RUNX1: variants seen among roughly 807,000 people sequenced by gnomAD.
The protein encoded by RUNX1 is RUNX family transcription factor 1.
RUNX1 carries 19 observed loss-of-function variants against 42.8 expected under a neutral mutation model. That is an observed-to-expected ratio of 0.44 (90% CI 0.31 to 0.65). RUNX1 has a LOEUF of 0.65. Among genes scored for constraint, RUNX1 ranks in the 30% least tolerant of loss-of-function variants. RUNX1 has a pLI of 0.07. For synonymous variants in RUNX1, 271 were observed against 289.4 expected, an observed-to-expected ratio of 0.94 and a Z score of 0.64; for missense variants, 528 against 672.0, an observed-to-expected ratio of 0.79 and a Z score of 2.37.
At chr21:34,802,174 A>G (rs1253209960) in intron 7 of RUNX1, among the ~76,000 whole-genome samples, 5 of 152,212 alleles carry the variant, frequency 3.3e-5, no homozygotes, top group African/African-American at 7.2e-5. Context: ...GTACGATGGG[A>G]GTTATCCAGA....
At chr21:34,871,160 C>T (rs781119966) in intron 5 of RUNX1, among the ~76,000 whole-genome samples, 9 of 152,128 alleles carry the variant, frequency 5.9e-5, no homozygotes, top group Admixed American at 6.5e-5. Context: ...CTTGGGTCTC[C>T]GTTCCTACAC....
intron 4 of RUNX1, among the ~76,000 whole-genome samples, chr21:34,886,437 C>G (rs1295823538): frequency 6.6e-6 from 1 of 152,220 alleles, no homozygotes; most frequent in Non-Finnish European, 1.5e-5. Context: ...CTGATCCTTT[C>G]ATCTGAGGAA....
chr21:34,903,761 A>G (rs1368754116), intron 2 of RUNX1, among the ~76,000 whole-genome samples: 2 of 152,250 alleles, frequency 1.3e-5, no homozygotes, highest in Non-Finnish European at 2.9e-5. Flanking sequence ...TTTGGAAAAC[A>G]GACTGTTATA....
At chr21:34,831,836 A>G (rs1028717362) in intron 7 of RUNX1, among the ~76,000 whole-genome samples, 1 of 151,992 alleles carries the variant, frequency 6.6e-6, no homozygotes, top group South Asian at 2.1e-4. Context: ...TAACTTTCCA[A>G]TTTCAAGAGA....
intron 2 of RUNX1, among the ~76,000 whole-genome samples, chr21:34,964,531 G>A (rs2058704958): frequency 6.6e-6 from 1 of 151,798 alleles, no homozygotes. Context: ...AGATGACAAA[G>A]GAAGGTTGTG....
At chr21:34,880,821 C>T in intron 4 of RUNX1, 108 bp from the exon 5 acceptor site, 2 of 1,163,102 alleles carry the variant, frequency 1.7e-6, no homozygotes, top group Non-Finnish European at 2.5e-6. Flanking sequence ...TCAATGATTT[C>T]TTTTTAGGTT....
intron 2 of RUNX1, among the ~76,000 whole-genome samples, chr21:34,939,405 C>T (rs1042515709): frequency 6.6e-6 from 1 of 152,158 alleles, no homozygotes; most frequent in African/African-American, 2.4e-5. Flanking sequence ...CTAAAATAGA[C>T]TTTGATTCTT....
At chr21:34,842,659 C>T (rs928537186) in intron 6 of RUNX1, among the ~76,000 whole-genome samples, 4 of 152,154 alleles carry the variant, frequency 2.6e-5, no homozygotes, top group Non-Finnish European at 4.4e-5. Context: ...TGAGTACCCT[C>T]TCACACGCAC....
At chr21:35,014,936 A>G (rs76582412) in intron 2 of RUNX1, among the ~76,000 whole-genome samples, 8,306 of 152,302 alleles carry the variant, frequency 0.055, 358 homozygotes, top group Non-Finnish European at 0.082. Flanking sequence ...GGTTTCCCAC[A>G]AGGTCTGGAT....
intron 2 of RUNX1, among the ~76,000 whole-genome samples, chr21:35,021,286 T>C (rs1358910865): frequency 1.3e-5 from 2 of 152,230 alleles, no homozygotes; most frequent in Non-Finnish European, 2.9e-5. Context: ...CATGAGTTAT[T>C]ATCTGCAAAG....
In RUNX1 at chr21:35,049,240, C is replaced by G. The variant is rs758735909; in HGVS notation, c.-132G>C. ...TGCTGACCACTATGCTGGGTTCAGA[C>G]TTCTGACACTGCCAGGCTACCCAAC... is the stretch of plus-strand genomic sequence containing the variant. On this transcript the variant is annotated 5_prime_UTR_variant, in exon 1 of 9. Coordinates refer to ENST00000675419, the MANE Select transcript of RUNX1 (RefSeq NM_001754.5). 7.3e-5 allele frequency: 22 copies of G among 302,300 alleles called. No homozygotes were observed. The highest frequency in any genetic ancestry group is 2.1e-3 in the Middle Eastern group (2 of 948). 18.7% of individuals were successfully genotyped at this position (302,300 alleles called of 1,614,324 possible). A position where few individuals can be genotyped will look rare whatever the true frequency, so the allele number is the denominator to read the frequency against.
At chr21:34,972,127 C>T (rs2058768259) in intron 2 of RUNX1, among the ~76,000 whole-genome samples, 1 of 152,192 alleles carries the variant, frequency 6.6e-6, no homozygotes, top group African/African-American at 2.4e-5. Context: ...TGGATAAGCT[C>T]ATTTTTACCA....
chr21:34,811,045 G>A (rs901639575), intron 7 of RUNX1, among the ~76,000 whole-genome samples: 4 of 152,174 alleles, frequency 2.6e-5, no homozygotes, highest in East Asian at 1.9e-4. Flanking sequence ...ACACAGCTGC[G>A]TCAGGGCCTC....
intron 2 of RUNX1, among the ~76,000 whole-genome samples, chr21:34,990,154 C>T (rs934153551): frequency 2.6e-5 from 4 of 152,188 alleles, no homozygotes; most frequent in Admixed American, 2.0e-4. Flanking sequence ...AATGTCTCTG[C>T]CTGTCAGTTT....
chr21:35,002,418 AT>A (rs1258916779), intron 2 of RUNX1, among the ~76,000 whole-genome samples: 161 of 134,788 alleles, frequency 1.2e-3, no homozygotes, highest in African/African-American at 2.5e-3. Flanking sequence ...TTATTTATTT[AT>A]TTATTTATTA....
At chr21:35,038,822 G>T (rs3746865) in intron 2 of RUNX1, 90,956 of 446,080 alleles carry the variant, frequency 0.2, 10,549 homozygotes, top group East Asian at 0.37. Flanking sequence ...AAGCCTGGCA[G>T]CCTTGGCCGA....
intron 5 of RUNX1, among the ~76,000 whole-genome samples, chr21:34,863,271 C>A (rs9979015): frequency 0.29 from 44,312 of 152,068 alleles, 8,290 homozygotes; most frequent in African/African-American, 0.54. Flanking sequence ...AGCACCAGTA[C>A]AAGAAATCTG....
At chr21:35,046,042 C>A (rs1201122313) in intron 2 of RUNX1, among the ~76,000 whole-genome samples, 1 of 152,232 alleles carries the variant, frequency 6.6e-6, no homozygotes, top group African/African-American at 2.4e-5. Flanking sequence ...CCTACCTCAA[C>A]TCTTTCTGCC....
chr21:34,948,527 G>T (rs1023160302), intron 2 of RUNX1, among the ~76,000 whole-genome samples: 3 of 152,168 alleles, frequency 2.0e-5, no homozygotes, highest in African/African-American at 7.2e-5. Flanking sequence ...ACAGGGCCAT[G>T]GCTCACAGGC....
Sources: gnomAD v4.1 joint callset for allele counts (sites outside exome capture counted in the v4.1 genomes callset) on GRCh38, gnomAD v4.1.1 for gene constraint, MANE v1.5 for transcripts, NCBI Gene and HGNC (gene_info 2026-07-23, HGNC 2026-07-21) for gene names.